Variants in ITPK1 observed in about 807,000 individuals in gnomAD.
ITPK1 encodes the protein inositol 1,3,4-trisphosphate 5/6-kinase.
In ITPK1, 21 loss-of-function variants were observed where a neutral mutation model predicts 45.3. The ratio of observed to expected loss-of-function variants is 0.46; its 90% CI spans 0.33 to 0.67. The LOEUF (loss-of-function observed/expected upper bound fraction) is 0.67. ITPK1 is among the 30% of genes least tolerant of loss of function. The pLI, the probability that ITPK1 is intolerant of heterozygous loss-of-function variation, is 0.02. For missense variants in ITPK1, 474 were observed against 573.5 expected (o/e 0.83, Z 1.77); for synonymous variants, 258 against 253.6 (o/e 1.02, Z -0.16).
chr14:93,085,168 G>A (rs1412652391), intron 2 of ITPK1, among the ~76,000 whole-genome samples: 2 of 152,240 alleles, frequency 1.3e-5, no homozygotes, highest in Non-Finnish European at 2.9e-5. Flanking sequence ...AACAGTGCCA[G>A]AAACTGAAAT....
At position 93,063,575 on chromosome 14, in the gene ITPK1, A is replaced by G. The variant is rs1180389902; in HGVS notation, c.120+13020T>C. On this transcript the variant is annotated intron_variant, in intron 3 of 10. Coordinates refer to ENST00000267615, the MANE Select transcript of ITPK1 (RefSeq NM_014216.6). The surrounding 1 kb of genome is among the most constrained non-coding windows in gnomAD (Gnocchi z 4.3). ...CATCCATCTCATCACCATCTGGTAG[A>G]TGGGCCTCAGAGAGGTTGTGCCACT... is the stretch of plus-strand genomic sequence containing the variant. Among the ~76,000 whole-genome samples the G allele has an allele frequency of 6.6e-6, 1 of 152,176 alleles. No homozygotes were observed. Among genetic ancestry groups the G allele is most frequent in the Non-Finnish European group, 1.5e-5 (1 of 68,042 alleles).
intron 10 of ITPK1, among the ~76,000 whole-genome samples, chr14:92,944,849 A>C (rs1887604020): frequency 6.6e-6 from 1 of 152,156 alleles, no homozygotes; most frequent in Non-Finnish European, 1.5e-5. Context: ...GGAGAAAAAC[A>C]CGATCGTCGC....
At chr14:92,972,155 C>T (rs544307402) in intron 5 of ITPK1, among the ~76,000 whole-genome samples, 6 of 152,352 alleles carry the variant, frequency 3.9e-5, no homozygotes, top group African/African-American at 1.4e-4. Flanking sequence ...GGCGTCCATG[C>T]CCCGCGAGTG....
At chr14:93,042,169 C>G (rs142190878) in intron 3 of ITPK1, among the ~76,000 whole-genome samples, 1 of 152,300 alleles carries the variant, frequency 6.6e-6, no homozygotes, top group African/African-American at 2.4e-5. Context: ...ACAAATGACT[C>G]AAGTGCCCTG....
rs551876463 is a variant in ITPK1, at chr14:92,993,097, T to G, written c.364+783A>C. Among the ~76,000 whole-genome samples the G allele has an allele frequency of 2.6e-5, 4 of 152,346 alleles. No individual in the cohort carries two copies. The South Asian group carries it at 8.3e-4, about 32-fold the overall frequency. On this transcript the variant is annotated intron_variant, in intron 5 of 10. Transcript: ENST00000267615. ...AGGTCAGGGTTCAAGGCAGCCAGGT[T>G]AGGCCTCAATCATGGTCTGTAGGGC...
At chr14:93,097,902 A>G (rs1325147853) in intron 2 of ITPK1, among the ~76,000 whole-genome samples, 2 of 151,952 alleles carry the variant, frequency 1.3e-5, no homozygotes, top group African/African-American at 4.8e-5. Flanking sequence ...CCAACTACTC[A>G]GGAGGCTGAG....
intron 3 of ITPK1, among the ~76,000 whole-genome samples, chr14:93,056,010 C>T (rs1474090162): frequency 6.6e-6 from 1 of 152,170 alleles, no homozygotes; most frequent in African/African-American, 2.4e-5. Context: ...GTTTAGGCCA[C>T]AGGAGAGCTC....
In ITPK1 at chr14:93,025,695, G is replaced by C. The variant is rs191356433; in HGVS notation, c.121-8894C>G. 9.9e-5 allele frequency among the ~76,000 whole-genome samples: 15 copies of C among 152,266 alleles called. 1 individual carries two copies. In the East Asian group the frequency reaches 1.9e-3, roughly 20 times the overall value. ...ACCAATATCACAATGATTTCGTTTG[G>C]TTTTCTTTTTCCCACATTGTTTTAA... On this transcript the variant is annotated intron_variant, in intron 3 of 10. Transcript: ENST00000267615.
rs972770032 is a variant in ITPK1, at chr14:92,938,261, G to C, written c.*3300C>G. 3.4e-5 allele frequency: 20 copies of C among 594,878 alleles called. No homozygotes were observed. Among genetic ancestry groups the C allele is most frequent in the Non-Finnish European group, 5.7e-5 (19 of 335,146 alleles). The allele number at this position is 594,878 out of a possible 1,614,324, so 36.8% of individuals were successfully genotyped here. ...GCGTGAGCCGCCATGCCCGGCCAGA[G>C]TTTCTAGGGAATAGAAGAGAGGGCA... On this transcript the variant is annotated 3_prime_UTR_variant, in exon 11 of 11. Transcript: ENST00000267615.
chr14:92,971,832 C>T (rs1885670143), intron 5 of ITPK1, among the ~76,000 whole-genome samples: 2 of 152,200 alleles, frequency 1.3e-5, no homozygotes, highest in African/African-American at 2.4e-5. Flanking sequence ...GAGGGGCATT[C>T]GGAATGACTG....
chr14:92,952,057 A>G (rs529006783), intron 8 of ITPK1, 44 bp from the exon 9 acceptor site: 3 of 1,486,518 alleles, frequency 2.0e-6, no homozygotes, highest in Non-Finnish European at 2.8e-6. Flanking sequence ...ACCTCAATGC[A>G]GGGACCACAC....
chr14:93,096,744 G>C (rs892369833), intron 2 of ITPK1, among the ~76,000 whole-genome samples: 5 of 152,156 alleles, frequency 3.3e-5, no homozygotes, highest in Non-Finnish European at 7.4e-5. Flanking sequence ...GTAGGGGCTC[G>C]AATGTTCTAG....
intron 2 of ITPK1, among the ~76,000 whole-genome samples, chr14:93,097,803 G>T (rs979582011): frequency 1.5e-4 from 23 of 152,242 alleles, no homozygotes; most frequent in African/African-American, 4.3e-4. Context: ...TGGGTCAGAG[G>T]TTAGAGAACA....
At chr14:93,087,237 A>G (rs555298478) in intron 2 of ITPK1, among the ~76,000 whole-genome samples, 2 of 152,314 alleles carry the variant, frequency 1.3e-5, no homozygotes, top group East Asian at 3.9e-4. Flanking sequence ...TTGTGGCCAC[A>G]ACACCCCAAC....
At chr14:93,104,765 T>C (rs903016603) in intron 2 of ITPK1, among the ~76,000 whole-genome samples, 6 of 152,084 alleles carry the variant, frequency 3.9e-5, no homozygotes. Context: ...GAGCCATGAA[T>C]GTACAAGGGG....
At chr14:92,952,567 G>A (rs947955712) in intron 8 of ITPK1, among the ~76,000 whole-genome samples, 17 of 152,166 alleles carry the variant, frequency 1.1e-4, no homozygotes, top group Non-Finnish European at 1.6e-4. Flanking sequence ...GAGAATGTAG[G>A]CTTCCACAGG....
chr14:93,057,321 T>C (rs1022901969), intron 3 of ITPK1, among the ~76,000 whole-genome samples: 4 of 152,194 alleles, frequency 2.6e-5, no homozygotes, highest in African/African-American at 9.7e-5. Flanking sequence ...CTGTGTTCTC[T>C]CGAAATCTGT....
At chr14:92,963,758 A>T (rs907504893) in intron 5 of ITPK1, among the ~76,000 whole-genome samples, 1 of 152,266 alleles carries the variant, frequency 6.6e-6, no homozygotes. Context: ...TTGTGGGATA[A>T]CAAAATGTAT....
At chr14:92,966,485 T>C (rs1885367184) in intron 5 of ITPK1, among the ~76,000 whole-genome samples, 1 of 152,228 alleles carries the variant, frequency 6.6e-6, no homozygotes, top group Non-Finnish European at 1.5e-5. Flanking sequence ...GGCTCATTAA[T>C]AGGAGATTTA....
Sources: allele counts gnomAD v4.1 joint callset (sites outside exome capture counted in the v4.1 genomes callset), GRCh38; gene constraint gnomAD v4.1.1; non-coding constraint Gnocchi (gnomAD v3.1); transcripts MANE v1.5; gene names NCBI Gene and HGNC (gene_info 2026-07-23, HGNC 2026-07-21).